Variants in TG observed in about 807,000 individuals in gnomAD.
TG encodes thyroglobulin, also known as thyroid hormones.
TG carries 270 observed loss-of-function variants against 324.7 expected under a neutral mutation model. The ratio of observed to expected loss-of-function variants is 0.83; its 90% confidence interval spans 0.75 to 0.92. TG has a LOEUF of 0.92. TG is among the 40% of genes least tolerant of loss of function. The pLI is 0.00. For synonymous variants in TG, 1,401 were observed against 1,327.0 expected (o/e 1.06, Z -1.21); for missense variants, 3,591 against 3,456.4 (o/e 1.04, Z -0.98).
At chr8:132,913,356 C>A in intron 20 of TG, 91 bp downstream of exon 20, 1 of 1,318,502 alleles carries the variant, frequency 7.6e-7, no homozygotes, top group Non-Finnish European at 1.1e-6. Context: ...CTACTCTGGA[C>A]ATCCAGGGCT....
intron 41 of TG, among the ~76,000 whole-genome samples, chr8:133,071,655 G>T (rs1844056581): frequency 6.6e-6 from 1 of 152,020 alleles, no homozygotes; most frequent in Admixed American, 6.5e-5. Context: ...GGGAGGAGTG[G>T]GGGGAGGAGG....
intron 37 of TG, among the ~76,000 whole-genome samples, chr8:133,017,086 G>A (rs1362262939): frequency 6.6e-6 from 1 of 152,138 alleles, no homozygotes; most frequent in Non-Finnish European, 1.5e-5. Flanking sequence ...ATGGGGTGTG[G>A]TCAGAGCTGG....
intron 41 of TG, chr8:133,038,660 C>A: frequency 6.2e-7 from 1 of 1,613,882 alleles, no homozygotes; most frequent in Non-Finnish European, 8.5e-7. Flanking sequence ...AGAGGCAATG[C>A]TCTCTCGAAG....
intron 4 of TG, 25 bp downstream of exon 4, chr8:132,871,576 C>A (rs1839484122): frequency 6.2e-7 from 1 of 1,607,018 alleles, no homozygotes; most frequent in African/African-American, 1.3e-5. Flanking sequence ...GCGCCTGCAC[C>A]CCTAGAGCTG....
intron 25 of TG, among the ~76,000 whole-genome samples, chr8:132,936,768 A>G (rs921597114): frequency 8.5e-5 from 13 of 152,142 alleles, no homozygotes; most frequent in Admixed American, 7.2e-4. Flanking sequence ...GAAAGGAAAC[A>G]TGCCAGCAAG....
At chr8:132,868,028 G>T in intron 1 of TG, 87 bp from the exon 2 acceptor site, 1 of 1,230,112 alleles carries the variant, frequency 8.1e-7, no homozygotes. Context: ...GATGACCCTG[G>T]AAAAGCATCT....
intron 36 of TG, among the ~76,000 whole-genome samples, chr8:133,013,153 A>T (rs1027474261): frequency 1.3e-5 from 2 of 152,274 alleles, no homozygotes; most frequent in Non-Finnish European, 2.9e-5. Context: ...TTAATGCTGC[A>T]TGGAAAGTAG....
At chr8:133,045,531 A>G (rs1465534060) in intron 41 of TG, among the ~76,000 whole-genome samples, 1 of 151,270 alleles carries the variant, frequency 6.6e-6, no homozygotes, top group Non-Finnish European at 1.5e-5. Context: ...AGTAGCTGGG[A>G]CTACAGGCAT....
intron 45 of TG, among the ~76,000 whole-genome samples, chr8:133,117,596 T>C (rs993591466): frequency 1.3e-5 from 2 of 152,204 alleles, no homozygotes; most frequent in African/African-American, 4.8e-5. Flanking sequence ...TGAGGTGCCT[T>C]TGGCAAGACA....
In TG at chr8:132,983,369, C is replaced by T. The variant is rs756896872; in HGVS notation, c.6219C>T (p.Pro2073=). 5 of 1,614,092 alleles carry T rather than the reference C, an allele frequency of 3.1e-6. No homozygotes were observed. In the Admixed American group the frequency reaches 8.3e-5, roughly 27 times the overall value. The change falls in exon 35 of 48, where the codon CCC becomes CCT. Residue 2073 remains proline (P), a synonymous_variant. Coordinates refer to ENST00000220616, the MANE Select transcript of TG (RefSeq NM_003235.5). ...YQKPIAQNNA[P]SFCPLVVLPS... ...TTTCAGTTGCTCAAAATAATGCTCC[C>T]AGTTTTTGCCCTTTGGTTGTTCTGC...
Position 132,898,161 on chromosome 8 carries a change from T to C in TG, c.3140-8T>C. ...TTCCTGAATGTTCTCCCCTTGGCTC[T>C]TTTCCAGGGCACTGCTGGTGTGTAG... On this transcript the variant is annotated splice_region_variant and splice_polypyrimidine_tract_variant and intron_variant, in intron 12 of 47. Coordinates refer to ENST00000220616, the MANE Select transcript of TG (RefSeq NM_003235.5). 1 of 1,596,482 alleles carries C rather than the reference T, an allele frequency of 6.3e-7. No individual in the cohort carries two copies.
intron 41 of TG, among the ~76,000 whole-genome samples, chr8:133,052,793 G>A (rs1840656422): frequency 6.6e-6 from 1 of 152,230 alleles, no homozygotes; most frequent in African/African-American, 2.4e-5. Context: ...ACCAGCAAGG[G>A]GGTCTCAGGC....
intron 5 of TG, among the ~76,000 whole-genome samples, chr8:132,878,387 C>T (rs534436469): frequency 2.5e-4 from 38 of 152,138 alleles, no homozygotes; most frequent in Non-Finnish European, 1.8e-4. Context: ...GAGGCCAAGG[C>T]GGGCAGATCA....
intron 27 of TG, among the ~76,000 whole-genome samples, chr8:132,951,571 C>T (rs192029854): frequency 7.9e-5 from 12 of 152,266 alleles, no homozygotes; most frequent in East Asian, 3.9e-4. Flanking sequence ...CCCAGAGTAG[C>T]GGTTACCAAA....
chr8:132,909,460 C>T (rs1246686096), intron 18 of TG, among the ~76,000 whole-genome samples: 1 of 152,144 alleles, frequency 6.6e-6, no homozygotes, highest in African/African-American at 2.4e-5. Flanking sequence ...AGCTGAGGAC[C>T]ATGCTGAAGA....
intron 41 of TG, among the ~76,000 whole-genome samples, chr8:133,034,501 C>T (rs1157922336): frequency 6.6e-6 from 1 of 152,082 alleles, no homozygotes; most frequent in African/African-American, 2.4e-5. Context: ...TAATGCTTTG[C>T]CTGTTGGTTT....
intron 22 of TG, 77 bp from the exon 23 acceptor site, chr8:132,928,999 C>A (rs1822292125): frequency 3.3e-6 from 4 of 1,214,874 alleles, no homozygotes; most frequent in Non-Finnish European, 4.9e-6. Context: ...ACTGCTTGAC[C>A]TAACAGTCTT....
chr8:132,978,359 C>G (rs1433796941), intron 34 of TG, among the ~76,000 whole-genome samples: 1 of 152,092 alleles, frequency 6.6e-6, no homozygotes, highest in Non-Finnish European at 1.5e-5. Context: ...TCCCCATGAC[C>G]CAAACACCTC....
At chr8:133,115,253 T>A (rs1850583972) in intron 44 of TG, among the ~76,000 whole-genome samples, 1 of 152,164 alleles carries the variant, frequency 6.6e-6, no homozygotes, top group Admixed American at 6.5e-5. Context: ...GGACTCCAGC[T>A]CAACCTTAGC....
Sources: gnomAD v4.1 joint callset for allele counts (sites outside exome capture counted in the v4.1 genomes callset) on GRCh38, gnomAD v4.1.1 for gene constraint, MANE v1.5 for transcripts, NCBI Gene and HGNC (gene_info 2026-07-23, HGNC 2026-07-21) for gene names.